Variants in ZNF451 observed in about 807,000 individuals in gnomAD.
ZNF451 encodes the protein E3 SUMO-protein ligase ZNF451.
In ZNF451, 80 loss-of-function variants were observed where a neutral mutation model predicts 107.1. The ratio of observed to expected loss-of-function variants is 0.75; its 90% CI spans 0.62 to 0.90. The LOEUF (loss-of-function observed/expected upper bound fraction) is 0.90, where lower values mean the gene tolerates loss of function less well. Among genes scored for constraint, ZNF451 ranks in the 40% least tolerant of loss-of-function variants. The pLI, the probability that ZNF451 is intolerant of heterozygous loss-of-function variation, is 0.00. For missense variants in ZNF451, 1,107 were observed against 1,236.2 expected, an observed-to-expected ratio of 0.90 and a Z score of 1.57; for synonymous variants, 362 against 406.5, an observed-to-expected ratio of 0.89 and a Z score of 1.32.
At chr6:57,097,720 CTT>C (rs1267944088) in intron 2 of ZNF451, among the ~76,000 whole-genome samples, 1 of 152,066 alleles carries the variant, frequency 6.6e-6, no homozygotes, top group Admixed American at 6.5e-5. Context: ...ACTCTCAAGT[CTT>C]TATTTCCAGG....
At chr6:57,123,028 TGTG>T (rs1830718703) in intron 3 of ZNF451, among the ~76,000 whole-genome samples, 1 of 152,106 alleles carries the variant, frequency 6.6e-6, no homozygotes, top group South Asian at 2.1e-4. Context: ...GTTACCCAGG[TGTG>T]GTGGTGTGCA....
chr6:57,140,175 A>G (rs1046555870), intron 7 of ZNF451, among the ~76,000 whole-genome samples: 10 of 152,256 alleles, frequency 6.6e-5, no homozygotes, highest in South Asian at 2.1e-4. Context: ...AAAGCTAAAT[A>G]ATATGAATAA....
At position 57,128,735 on chromosome 6, in the gene ZNF451, A is replaced by G; in HGVS notation, c.319A>G (p.Ile107Val). The change falls in exon 5 of 15, where the codon ATT becomes GTT. Residue 107 changes from isoleucine to valine, a missense_variant. Physicochemically the swap from Ile to Val is conservative, Grantham distance 29 (BLOSUM62 3). Coordinates refer to ENST00000370706, the MANE Select transcript of ZNF451 (RefSeq NM_001031623.3). ...TTTTTCTTAATGTCTTCAGGAAAAA[A>G]TTGATTTTCAGCATGCTCATGGGTT... The part of the protein sequence containing the change: ...EEKNRAFREK[I>V]DFQHAHGLQE... 1 of 1,606,250 alleles carries G rather than the reference A, an allele frequency of 6.2e-7. No homozygotes were observed. The highest frequency in any genetic ancestry group is 8.5e-7 in the Non-Finnish European group (1 of 1,177,214).
chr6:57,101,536 A>C, intron 3 of ZNF451: 1 of 1,550,972 alleles, frequency 6.4e-7, no homozygotes, highest in Non-Finnish European at 8.7e-7. Flanking sequence ...AATGGAGGTC[A>C]TGGGTTGTAG....
chr6:57,166,702 G>A (rs776426391), intron 14 of ZNF451, among the ~76,000 whole-genome samples: 1 of 152,080 alleles, frequency 6.6e-6, no homozygotes, highest in Non-Finnish European at 1.5e-5. Flanking sequence ...TAATTTTCAA[G>A]TGTTATGTAC....
At chr6:57,162,130 G>T (rs1763698279) in intron 14 of ZNF451, among the ~76,000 whole-genome samples, 1 of 152,160 alleles carries the variant, frequency 6.6e-6, no homozygotes, top group Non-Finnish European at 1.5e-5. Context: ...TGACATTAAA[G>T]AAAAACAGTA....
chr6:57,108,991 TC>T, intron 3 of ZNF451: 4 of 985,446 alleles, frequency 4.1e-6, no homozygotes, highest in Non-Finnish European at 3.6e-6. Flanking sequence ...AAGTTTTACT[TC>T]TATGGTAAAC....
Position 57,154,028 on chromosome 6 carries a change from C to T in ZNF451, c.3051C>T (p.Ser1017=). The part of the protein sequence containing the change: ...EGDMMCALLN[S]ISDTTKECDS... ...ATATGATGTGTGCCTTGTTAAATAG[C>T]ATATCTGATACCACCAAAGGTACGC... Residue 1017 remains serine (S), a synonymous_variant, in exon 13 of 15, where the codon AGC becomes AGT. Coordinates refer to ENST00000370706, the MANE Select transcript of ZNF451 (RefSeq NM_001031623.3). 1 of 1,614,136 alleles carries T rather than the reference C, an allele frequency of 6.2e-7. No individual in the cohort carries two copies. Among genetic ancestry groups the T allele is most frequent in the South Asian group, 1.1e-5 (1 of 91,080 alleles).
intron 7 of ZNF451, among the ~76,000 whole-genome samples, chr6:57,136,107 A>C (rs1256077694): frequency 6.6e-6 from 1 of 152,156 alleles, no homozygotes; most frequent in Non-Finnish European, 1.5e-5. Context: ...ACACTGACTC[A>C]TTAGTTTTTG....
chr6:57,137,190 T>C (rs548437591), intron 7 of ZNF451, among the ~76,000 whole-genome samples: 1 of 152,362 alleles, frequency 6.6e-6, no homozygotes, highest in African/African-American at 2.4e-5. Context: ...TGGGGGGTTG[T>C]AATTGCCTCT....
intron 3 of ZNF451, chr6:57,106,641 A>ATAT: frequency 1.0e-6 from 1 of 978,068 alleles, no homozygotes; most frequent in Non-Finnish European, 1.2e-6. Context: ...TATGTGAGGC[A>ATAT]TATTTTGCCA....
chr6:57,141,922 A>C, intron 8 of ZNF451, 26 bp from the exon 9 acceptor site: 1 of 1,606,052 alleles, frequency 6.2e-7, no homozygotes, highest in East Asian at 2.2e-5. Context: ...ATAACTTTGC[A>C]AATTATAGTT....
chr6:57,106,016 ATTCTATAT>A (rs1386976751), intron 3 of ZNF451: 1 of 981,194 alleles, frequency 1.0e-6, no homozygotes, highest in Non-Finnish European at 1.2e-6. Flanking sequence ...AGTATTTAGT[ATTCTATAT>A]TAGTACTACA....
chr6:57,165,848 T>C (rs968105904), intron 14 of ZNF451: 2 of 152,150 alleles, frequency 1.3e-5, no homozygotes, highest in African/African-American at 2.4e-5. Context: ...TATCTAAACA[T>C]AGAGACATAA....
intron 3 of ZNF451, chr6:57,105,391 TTTAA>T: frequency 1.0e-6 from 1 of 985,176 alleles, no homozygotes; most frequent in Non-Finnish European, 1.2e-6. Flanking sequence ...GAAGTGCCTT[TTTAA>T]TTCTACACTT....
intron 3 of ZNF451, chr6:57,104,062 A>T (rs760351939): frequency 3.0e-5 from 30 of 984,670 alleles, no homozygotes; most frequent in Non-Finnish European, 3.5e-5. Context: ...AATTTAGCCC[A>T]GTCATATCAA....
chr6:57,139,145 GTCC>G (rs1387686831), intron 7 of ZNF451, among the ~76,000 whole-genome samples: 1 of 152,082 alleles, frequency 6.6e-6, no homozygotes, highest in Non-Finnish European at 1.5e-5. Context: ...GAATGAAAAT[GTCC>G]TCCTCGGTGT....
At chr6:57,141,215 C>CAATATTGCGAATA in intron 7 of ZNF451, 87 bp from the exon 8 acceptor site, 1 of 1,180,512 alleles carries the variant, frequency 8.5e-7, no homozygotes. Context: ...TGCGAATAAA[C>CAATATTGCGAATA]AACAAATAGG....
intron 3 of ZNF451, chr6:57,109,231 G>A: frequency 2.0e-6 from 2 of 984,956 alleles, no homozygotes; most frequent in Non-Finnish European, 2.4e-6. Context: ...CACTGATTAT[G>A]TTAATCGTAT....
Sources: allele counts gnomAD v4.1 joint callset (sites outside exome capture counted in the v4.1 genomes callset), GRCh38; gene constraint gnomAD v4.1.1; transcripts MANE v1.5; gene names NCBI Gene and HGNC (gene_info 2026-07-23, HGNC 2026-07-21).